PDE1A: variants seen among roughly 807,000 people sequenced by gnomAD.
The protein encoded by PDE1A is dual specificity calcium/calmodulin-dependent 3',5'-cyclic nucleotide phosphodiesterase 1A.
Under a neutral mutation model 61.7 loss-of-function variants are expected in PDE1A, and 35 were observed. The observed-to-expected ratio is 0.57, with a 90% CI of 0.43 to 0.75. The LOEUF (loss-of-function observed/expected upper bound fraction) is 0.75. Among genes scored for constraint, PDE1A ranks in the 30% least tolerant of loss-of-function variants. PDE1A has a pLI of 0.00. For synonymous variants in PDE1A, 232 were observed against 213.2 expected, an observed-to-expected ratio of 1.09 and a Z score of -0.77; for missense variants, 597 against 630.6, an observed-to-expected ratio of 0.95 and a Z score of 0.57.
At chr2:182,587,231 T>C in the PDE1A span, among the ~76,000 whole-genome samples, 4 of 152,328 alleles carry the variant, frequency 2.6e-5, no homozygotes, top group East Asian at 1.9e-4. Context: ...ATTCTGAGGA[T>C]AATGATGAGC....
In PDE1A at chr2:182,257,983, C is replaced by T. The variant is rs113384445; in HGVS notation, c.167+6318G>A. Among the ~76,000 whole-genome samples the T allele has an allele frequency of 5.3e-5, 8 of 152,110 alleles. 1 individual carries two copies. Among genetic ancestry groups the T allele is most frequent in the East Asian group, 1.9e-4 (1 of 5,162 alleles). On this transcript the variant is annotated intron_variant, in intron 2 of 13. Coordinates refer to ENST00000351439, the Ensembl canonical transcript of PDE1A. ...GAGATCGAGACCACCCTGGCTAACA[C>T]GGTGAAACCCCATCTCTAGTAAAAA...
chr2:182,252,846 A>C (rs537754005), intron 2 of PDE1A, among the ~76,000 whole-genome samples: 1 of 152,320 alleles, frequency 6.6e-6, no homozygotes, highest in East Asian at 1.9e-4. Context: ...GACTCCAGCT[A>C]GACTGATGGG....
chr2:182,631,285 T>C, the PDE1A span, among the ~76,000 whole-genome samples: 1 of 38,440 alleles, frequency 2.6e-5, no homozygotes, highest in South Asian at 1.1e-3. Flanking sequence ...CTTTGCCTTC[T>C]TTTTTTTTTA....
intron 10 of PDE1A, among the ~76,000 whole-genome samples, chr2:182,192,795 C>G (rs548647331): frequency 2.4e-4 from 37 of 152,176 alleles, no homozygotes; most frequent in African/African-American, 8.7e-4. Flanking sequence ...CCTGGAGATC[C>G]TTCAGGTTTC....
At chr2:182,670,633 A>G in the PDE1A span, among the ~76,000 whole-genome samples, 2 of 152,156 alleles carry the variant, frequency 1.3e-5, no homozygotes, top group African/African-American at 4.8e-5. Context: ...CCTCTTTTTA[A>G]CAAGCTCTCC....
At chr2:182,414,220 C>A (rs113151239) in intron 1 of PDE1A, among the ~76,000 whole-genome samples, 7 of 152,076 alleles carry the variant, frequency 4.6e-5, no homozygotes, top group African/African-American at 1.7e-4. Context: ...AAGGAAGAGA[C>A]TGAATTGTAA....
the PDE1A span, among the ~76,000 whole-genome samples, chr2:182,536,216 T>C: frequency 2.5e-3 from 380 of 152,320 alleles, no homozygotes; most frequent in Non-Finnish European, 4.5e-3. Flanking sequence ...AGCTACAGTT[T>C]TCCAAAATGT....
At chr2:182,415,887 C>T (rs1490078340) in intron 1 of PDE1A, among the ~76,000 whole-genome samples, 1 of 152,164 alleles carries the variant, frequency 6.6e-6, no homozygotes, top group Non-Finnish European at 1.5e-5. Context: ...ACTTCCTTGG[C>T]TACTGAGAAT....
intron 10 of PDE1A, among the ~76,000 whole-genome samples, chr2:182,196,537 G>T (rs538441353): frequency 4.0e-5 from 6 of 151,662 alleles, no homozygotes; most frequent in African/African-American, 1.2e-4. Flanking sequence ...AAATCTGAAG[G>T]GTATAAACAG....
At chr2:182,295,465 A>G (rs1559306700) in intron 1 of PDE1A, among the ~76,000 whole-genome samples, 2 of 152,186 alleles carry the variant, frequency 1.3e-5, no homozygotes. Flanking sequence ...AAACCTCTTA[A>G]AGTCACATCA....
At chr2:182,316,985 C>G (rs1696378607) in intron 1 of PDE1A, among the ~76,000 whole-genome samples, 1 of 152,108 alleles carries the variant, frequency 6.6e-6, no homozygotes, top group Non-Finnish European at 1.5e-5. Context: ...CTTCCTCTGA[C>G]CAGCCTATGA....
intron 7 of PDE1A, among the ~76,000 whole-genome samples, chr2:182,209,117 T>C (rs1687360299): frequency 2.0e-5 from 3 of 152,100 alleles, no homozygotes; most frequent in Non-Finnish European, 4.4e-5. Flanking sequence ...AAGCTGCTGA[T>C]AAAGACATAC....
chr2:182,319,032 T>G (rs1042176762), intron 1 of PDE1A, among the ~76,000 whole-genome samples: 7 of 152,176 alleles, frequency 4.6e-5, no homozygotes, highest in Admixed American at 1.3e-4. Flanking sequence ...TTACCTTTCA[T>G]GCCTTCATGT....
At chr2:182,391,389 G>A (rs892106887) in intron 1 of PDE1A, among the ~76,000 whole-genome samples, 1 of 152,158 alleles carries the variant, frequency 6.6e-6, no homozygotes, top group African/African-American at 2.4e-5. Flanking sequence ...GCCCCACTGT[G>A]AGTGAGCTGG....
At chr2:182,583,533 T>C in the PDE1A span, among the ~76,000 whole-genome samples, 3 of 152,236 alleles carry the variant, frequency 2.0e-5, no homozygotes, top group Admixed American at 6.5e-5. Flanking sequence ...ATGGAAAGTT[T>C]ACTTTTCCTT....
chr2:182,203,948 C>G (rs553575513), intron 8 of PDE1A, among the ~76,000 whole-genome samples: 1 of 151,892 alleles, frequency 6.6e-6, no homozygotes, highest in Non-Finnish European at 1.5e-5. Flanking sequence ...TTTGTTAAAA[C>G]AATTCTTTAA....
chr2:182,206,195 GTACT>G (rs1190591013), intron 7 of PDE1A, 130 bp from the exon 8 acceptor site: 2 of 560,804 alleles, frequency 3.6e-6, no homozygotes, highest in African/African-American at 1.9e-5. Flanking sequence ...AATTATGGAA[GTACT>G]TAGTTTCTTT....
chr2:182,231,759 A>G (rs990504153), intron 4 of PDE1A, among the ~76,000 whole-genome samples: 7 of 151,936 alleles, frequency 4.6e-5, no homozygotes, highest in African/African-American at 1.7e-4. Flanking sequence ...ACAAAAAAAT[A>G]CAAAAATTAG....
chr2:182,294,683 T>C (rs1422501382), intron 1 of PDE1A, among the ~76,000 whole-genome samples: 1 of 152,208 alleles, frequency 6.6e-6, no homozygotes, highest in Non-Finnish European at 1.5e-5. Context: ...GGTAAGTTTA[T>C]AGAGTATCAA....
Sources: allele counts gnomAD v4.1 joint callset (sites outside exome capture counted in the v4.1 genomes callset), GRCh38; gene constraint gnomAD v4.1.1; transcripts MANE v1.5; gene names NCBI Gene and HGNC (gene_info 2026-07-23, HGNC 2026-07-21).